The following AKAP6 variants were observed in gnomAD, a reference collection of about 807,000 sequenced individuals.
AKAP6 encodes A-kinase anchor protein 6.
A neutral mutation model predicts 188.5 loss-of-function variants in AKAP6; 58 were observed. That is an observed-to-expected ratio of 0.31 (90% CI 0.25 to 0.38). The LOEUF (loss-of-function observed/expected upper bound fraction) is 0.38. AKAP6 is among the 10% of genes least tolerant of loss of function. The probability of loss-of-function intolerance (pLI) is 1.00; values close to 1 mark genes in which losing one functional copy is unlikely to be tolerated. For synonymous variants in AKAP6, 989 were observed against 998.6 expected (o/e 0.99, Z 0.18); for missense variants, 2,710 against 2,740.0 (o/e 0.99, Z 0.24).
At chr14:32,479,064 A>G (rs1879210329) in intron 2 of AKAP6, among the ~76,000 whole-genome samples, 1 of 152,198 alleles carries the variant, frequency 6.6e-6, no homozygotes, top group African/African-American at 2.4e-5. Context: ...CAGGGTTTAG[A>G]CTTAGGAACA....
Position 32,568,151 on chromosome 14 carries a change from A to C in AKAP6, c.2347-8969A>C, listed in dbSNP as rs1884288012. On this transcript the variant is annotated intron_variant, in intron 4 of 13. Transcript: ENST00000280979. This position sits in a 1 kb window ranked among gnomAD's most constrained non-coding sequence, Gnocchi z 6.2. ...AACTGTGACAAGAGCTGGGGTTCTC[A>C]GAGAAGCTTGGAAAATAGGAGTGAA... is the stretch of plus-strand genomic sequence containing the variant. 1.3e-5 allele frequency among the ~76,000 whole-genome samples: 2 copies of C among 152,228 alleles called. No homozygotes were observed. Among genetic ancestry groups the C allele is most frequent in the African/African-American group, 4.8e-5 (2 of 41,472 alleles).
chr14:32,569,105 T>A (rs551750607), intron 4 of AKAP6, among the ~76,000 whole-genome samples: 1 of 152,344 alleles, frequency 6.6e-6, no homozygotes, highest in South Asian at 2.1e-4. Flanking sequence ...GGATTCAGTG[T>A]AATATTCCTT....
intron 1 of AKAP6, among the ~76,000 whole-genome samples, chr14:32,358,114 C>CT (rs1331960085): frequency 6.6e-6 from 1 of 152,212 alleles, no homozygotes; most frequent in Non-Finnish European, 1.5e-5. Context: ...TAGGTTGTTG[C>CT]TTACCTGGCT....
chr14:32,540,168 C>CTCTATATATATATATA (rs1240063339), intron 3 of AKAP6, among the ~76,000 whole-genome samples: 5 of 60,920 alleles, frequency 8.2e-5, no homozygotes, highest in African/African-American at 4.9e-4. Context: ...CTCTCTCTCT[C>CTCTATATATATATATA]TATATATATA....
intron 7 of AKAP6, among the ~76,000 whole-genome samples, chr14:32,646,955 G>C (rs1888010069): frequency 6.6e-6 from 1 of 152,080 alleles, no homozygotes; most frequent in Non-Finnish European, 1.5e-5. Context: ...TACTAATCTT[G>C]CTAGTTTCTT....
chr14:32,433,756 C>T lies in AKAP6; in HGVS notation c.263C>T (p.Thr88Ile). ...RMTSERVRDL[T>I]YSVQQDSDSK... ...ACCTCAGAGAGGGTCCGAGACCTAA[C>T]CTATTCAGTCCAGCAGGATTCGGAC... is the stretch of plus-strand genomic sequence containing the variant. Residue 88 changes from threonine to isoleucine, a missense_variant, in exon 2 of 14, where the codon ACC (threonine) becomes ATC (isoleucine). Thr to Ile is a moderately conservative substitution (Grantham distance 89). This residue lies in a region of AKAP6 where 237 missense variants were observed against 313.9 expected (regional missense o/e 0.76). Coordinates refer to ENST00000280979, the MANE Select transcript of AKAP6 (RefSeq NM_004274.5). The T allele has an allele frequency of 1.2e-6, 2 of 1,614,156 alleles. No homozygotes were observed. The highest frequency in any genetic ancestry group is 1.7e-6 in the Non-Finnish European group (2 of 1,180,040).
intron 5 of AKAP6, among the ~76,000 whole-genome samples, chr14:32,593,743 C>T (rs1400531355): frequency 2.6e-5 from 4 of 152,112 alleles, no homozygotes; most frequent in Admixed American, 6.6e-5. Flanking sequence ...ATAGAAGCCA[C>T]GGTGGGTTAA....
intron 7 of AKAP6, among the ~76,000 whole-genome samples, chr14:32,667,913 G>A (rs889353427): frequency 5.3e-5 from 8 of 152,198 alleles, no homozygotes; most frequent in African/African-American, 1.7e-4. Flanking sequence ...AGAGTTAATA[G>A]CAGTGTTTGC....
At chr14:32,705,680 T>C (rs906971340) in intron 9 of AKAP6, among the ~76,000 whole-genome samples, 16 of 152,220 alleles carry the variant, frequency 1.1e-4, no homozygotes, top group African/African-American at 3.9e-4. Context: ...ACTTGTCCCT[T>C]AGTCAGGCTA....
At chr14:32,446,858 C>G (rs1890771486) in intron 2 of AKAP6, among the ~76,000 whole-genome samples, 1 of 152,144 alleles carries the variant, frequency 6.6e-6, no homozygotes, top group Admixed American at 6.5e-5. Context: ...TTTATGGTTT[C>G]TACTTTTATT....
chr14:32,634,531 C>T (rs1032809982), intron 7 of AKAP6, among the ~76,000 whole-genome samples: 1 of 152,028 alleles, frequency 6.6e-6, no homozygotes, highest in Non-Finnish European at 1.5e-5. Flanking sequence ...TTCTTGAAGG[C>T]AAACAGTGAG....
At chr14:32,712,772 T>G (rs2029962346) in intron 9 of AKAP6, among the ~76,000 whole-genome samples, 1 of 152,116 alleles carries the variant, frequency 6.6e-6, no homozygotes. Context: ...CCACCACATC[T>G]GCTATTACTT....
In AKAP6 at chr14:32,824,417, T is replaced by C; in HGVS notation, c.6604T>C (p.Ser2202Pro). 6.2e-7 allele frequency: 1 copy of C among 1,613,944 alleles called. No individual in the cohort carries two copies. Among genetic ancestry groups the C allele is most frequent in the East Asian group, 2.2e-5 (1 of 44,874 alleles). ...TACSSEFSDS[S>P]LSADDADTVA... ...ATGTTCTTCTGAGTTCAGTGATAGT[T>C]CTCTTTCAGCTGATGATGCAGATAC... Residue 2202 changes from serine (S) to proline (P), a missense_variant, in exon 13 of 14, where the codon TCT becomes CCT. By Grantham distance (74) the Ser-to-Pro change is moderately conservative (BLOSUM62 -1). This residue lies in a region of AKAP6 where 2,473 missense variants were observed against 2,426.1 expected (regional missense o/e 1.02). Coordinates refer to ENST00000280979, the MANE Select transcript of AKAP6 (RefSeq NM_004274.5).
At chr14:32,369,383 A>G (rs954600933) in intron 1 of AKAP6, among the ~76,000 whole-genome samples, 3 of 152,256 alleles carry the variant, frequency 2.0e-5, no homozygotes, top group African/African-American at 7.2e-5. Context: ...CCTGTTGTCC[A>G]TTATCTTGTC....
chr14:32,602,458 G>A (rs1885966046), intron 7 of AKAP6, among the ~76,000 whole-genome samples: 1 of 152,112 alleles, frequency 6.6e-6, no homozygotes, highest in Non-Finnish European at 1.5e-5. Flanking sequence ...TCACACCACT[G>A]CACTCCAACC....
rs572592153 is a variant in AKAP6 at position 32,605,067 on chromosome 14, A to T, written c.2730+4275A>T. 2.4e-4 allele frequency among the ~76,000 whole-genome samples: 36 copies of T among 152,248 alleles called. No individual in the cohort carries two copies. The South Asian group carries it at 7.1e-3, about 30-fold the overall frequency. On this transcript the variant is annotated intron_variant, in intron 7 of 13. Coordinates refer to ENST00000280979, the MANE Select transcript of AKAP6 (RefSeq NM_004274.5). Reference sequence around the variant, plus strand: ...TCAGCTCCCACTTATAAGTGAGAACATGTGGTGTTTGGTTTTCTGTTCCTG... The same window carrying T: ...TCAGCTCCCACTTATAAGTGAGAACTTGTGGTGTTTGGTTTTCTGTTCCTG...
intron 2 of AKAP6, among the ~76,000 whole-genome samples, chr14:32,469,355 A>G (rs1878641565): frequency 6.6e-6 from 1 of 152,230 alleles, no homozygotes; most frequent in Non-Finnish European, 1.5e-5. Flanking sequence ...ATTAAAAACA[A>G]GATAGGCACA....
chr14:32,638,306 C>G (rs1887602718), intron 7 of AKAP6, among the ~76,000 whole-genome samples: 1 of 152,048 alleles, frequency 6.6e-6, no homozygotes, highest in African/African-American at 2.4e-5. Flanking sequence ...TCCCAAACTT[C>G]CATTCTGATA....
intron 13 of AKAP6, among the ~76,000 whole-genome samples, chr14:32,826,151 G>A (rs193261634): frequency 5.3e-5 from 8 of 149,546 alleles, no homozygotes; most frequent in African/African-American, 2.0e-4. Context: ...GTGTAGAGCT[G>A]CTAGAAATGG....
Sources: gnomAD v4.1 joint callset for allele counts (sites outside exome capture counted in the v4.1 genomes callset) on GRCh38, gnomAD v4.1.1 for gene constraint, gnomAD v4.1.1 regional missense constraint, Gnocchi (gnomAD v3.1) non-coding constraint, MANE v1.5 for transcripts, NCBI Gene and HGNC (gene_info 2026-07-23, HGNC 2026-07-21) for gene names.